SLC36A4: variants seen among roughly 807,000 people sequenced by gnomAD.
SLC36A4 encodes neutral amino acid uniporter 4.
SLC36A4 carries 49 observed loss-of-function variants against 50.5 expected under a neutral mutation model. The ratio of observed to expected loss-of-function variants is 0.97; its 90% CI spans 0.77 to 1.23. SLC36A4 has a LOEUF of 1.23. Among genes scored for constraint, SLC36A4 ranks in the 50% most tolerant of loss-of-function variants. SLC36A4 has a pLI of 0.00. For missense variants in SLC36A4, 611 were observed against 608.4 expected (o/e 1.00, Z -0.05); for synonymous variants, 207 against 206.5 (o/e 1.00, Z -0.02).
At chr11:93,175,179 A>G (rs1436020843) in intron 6 of SLC36A4, among the ~76,000 whole-genome samples, 2 of 150,340 alleles carry the variant, frequency 1.3e-5, no homozygotes, top group Non-Finnish European at 3.0e-5. Context: ...GTCTTGGGAG[A>G]GTGTATGTGT....
chr11:93,156,726 G>C (rs565395232), intron 9 of SLC36A4, among the ~76,000 whole-genome samples: 1 of 152,116 alleles, frequency 6.6e-6, no homozygotes, highest in African/African-American at 2.4e-5. Context: ...TAAATTTCTT[G>C]AAGTTCCTTT....
At chr11:93,182,183 C>T (rs977246781) in intron 4 of SLC36A4, 2 of 279,168 alleles carry the variant, frequency 7.2e-6, no homozygotes, top group Non-Finnish European at 1.1e-5. Context: ...AATACATTTT[C>T]ACATAAACTA....
rs1237061151 is a variant in SLC36A4 at position 93,148,195 on chromosome 11, A to G, written c.*342T>C. The G allele has an allele frequency of 5.2e-6, 1 of 193,078 alleles. No individual in the cohort carries two copies. The highest frequency in any genetic ancestry group is 1.0e-5 in the Non-Finnish European group (1 of 96,390). 12.0% of individuals were successfully genotyped at this position (193,078 alleles called of 1,614,324 possible). ...TGAAATCCTATTCTGTTCTCAAGTG[A>G]GTGGCAAAAGAGTAGCATAAAAGAG... On this transcript the variant is annotated 3_prime_UTR_variant, in exon 11 of 11. Coordinates refer to ENST00000326402, the MANE Select transcript of SLC36A4 (RefSeq NM_152313.4).
At chr11:93,169,262 T>C (rs1041787598) in intron 6 of SLC36A4, among the ~76,000 whole-genome samples, 3 of 152,268 alleles carry the variant, frequency 2.0e-5, no homozygotes, top group Admixed American at 6.5e-5. Context: ...TCCCAATTTA[T>C]AGTTGAGGAA....
chr11:93,180,111 A>C, intron 6 of SLC36A4: 2 of 950,510 alleles, frequency 2.1e-6, no homozygotes, highest in Non-Finnish European at 2.5e-6. Context: ...CATGTGGATA[A>C]TTAATAAATA....
intron 9 of SLC36A4, among the ~76,000 whole-genome samples, chr11:93,158,835 CCT>C (rs1212691229): frequency 6.6e-6 from 1 of 151,974 alleles, no homozygotes; most frequent in Non-Finnish European, 1.5e-5. Context: ...CCCAGTAAAC[CCT>C]CTTTCTAAAG....
chr11:93,181,429 T>C (rs1861727213), intron 5 of SLC36A4, among the ~76,000 whole-genome samples: 1 of 152,046 alleles, frequency 6.6e-6, no homozygotes, highest in South Asian at 2.1e-4. Flanking sequence ...TCATCTACCA[T>C]AATGATCCTG....
intron 1 of SLC36A4, among the ~76,000 whole-genome samples, chr11:93,188,140 G>T (rs1367437274): frequency 2.0e-5 from 3 of 152,096 alleles, no homozygotes; most frequent in Non-Finnish European, 4.4e-5. Flanking sequence ...TATACTTATA[G>T]ATAATTTGAG....
chr11:93,197,948 C>A lies in SLC36A4; in HGVS notation c.-116G>T. 9.3e-7 allele frequency: 1 copy of A among 1,073,630 alleles called. No individual in the cohort carries two copies. Among genetic ancestry groups the A allele is most frequent in the Non-Finnish European group, 1.2e-6 (1 of 803,288 alleles). 66.5% of individuals were successfully genotyped at this position (1,073,630 alleles called of 1,614,324 possible). Reference sequence around the variant, plus strand: ...CGGAGGGACCCGCGCCTGGTGCCCGCCTCCCTGCCCCGGCGCTCCCCAACC... The same window carrying A: ...CGGAGGGACCCGCGCCTGGTGCCCGACTCCCTGCCCCGGCGCTCCCCAACC... On this transcript the variant is annotated 5_prime_UTR_variant, in exon 1 of 11. Coordinates refer to ENST00000326402, the MANE Select transcript of SLC36A4 (RefSeq NM_152313.4).
intron 9 of SLC36A4, among the ~76,000 whole-genome samples, chr11:93,159,316 A>AATTT (rs1389903843): frequency 6.6e-6 from 1 of 152,188 alleles, no homozygotes; most frequent in African/African-American, 2.4e-5. Flanking sequence ...AGAATATCAA[A>AATTT]ATTTATAATG....
chr11:93,195,992 T>G (rs1862404204), intron 1 of SLC36A4, among the ~76,000 whole-genome samples: 1 of 152,222 alleles, frequency 6.6e-6, no homozygotes, highest in Non-Finnish European at 1.5e-5. Flanking sequence ...CTGCTTACTC[T>G]CTGCTTCCCA....
chr11:93,168,679 A>T (rs966631939), intron 6 of SLC36A4, among the ~76,000 whole-genome samples: 7 of 152,048 alleles, frequency 4.6e-5, no homozygotes, highest in African/African-American at 1.7e-4. Context: ...ACTCTTATAA[A>T]GCAATTATTT....
chr11:93,187,361 A>T (rs756580378), intron 1 of SLC36A4, among the ~76,000 whole-genome samples: 6 of 152,112 alleles, frequency 3.9e-5, no homozygotes, highest in Non-Finnish European at 8.8e-5. Flanking sequence ...ATGTTGATTT[A>T]GGTTTTTTCT....
chr11:93,176,327 T>G (rs1295324443), intron 6 of SLC36A4, among the ~76,000 whole-genome samples: 3 of 151,618 alleles, frequency 2.0e-5, no homozygotes, highest in African/African-American at 4.8e-5. Context: ...CCTTTTATTT[T>G]GAGCCTATGT....
At position 93,146,295 on chromosome 11, in the gene SLC36A4, C is replaced by CA. The variant is rs1423479190; in HGVS notation, c.*2241dup. On this transcript the variant is annotated 3_prime_UTR_variant, in exon 11 of 11. Coordinates refer to ENST00000326402, the MANE Select transcript of SLC36A4 (RefSeq NM_152313.4). Reference sequence around the variant, plus strand: ...AGAAATATTATCTGAAAACAGGTGACAAAAATCTAATGCTGCTTCCTATTA... The same window carrying CA: ...AGAAATATTATCTGAAAACAGGTGACAAAAAATCTAATGCTGCTTCCTATTA... The CA allele has an allele frequency of 2.0e-5, 3 of 151,840 alleles. No homozygotes were observed. The highest frequency in any genetic ancestry group is 4.4e-5 in the Non-Finnish European group (3 of 67,894). 9.4% of individuals were successfully genotyped at this position (151,840 alleles called of 1,614,324 possible). A position where few individuals can be genotyped will look rare whatever the true frequency, so the allele number is the denominator to read the frequency against.
intron 1 of SLC36A4, among the ~76,000 whole-genome samples, chr11:93,192,644 T>G (rs1862261030): frequency 6.6e-6 from 1 of 152,172 alleles, no homozygotes; most frequent in African/African-American, 2.4e-5. Flanking sequence ...CAGTAAAAAA[T>G]TAAGATATTT....
At position 93,180,933 on chromosome 11, in the gene SLC36A4, A is replaced by T. The variant is rs573714633; in HGVS notation, c.456-52T>A. 1.1e-5 allele frequency: 13 copies of T among 1,174,102 alleles called. 1 individual carries two copies. In the South Asian group the frequency reaches 1.3e-4, roughly 12 times the overall value. 72.7% of individuals were successfully genotyped at this position (1,174,102 alleles called of 1,614,324 possible). A position where few individuals can be genotyped will look rare whatever the true frequency, so the allele number is the denominator to read the frequency against. ...ATCCAGGAGAGCTACTGAAATGTCA[A>T]TATATTTTATTTCTCTTTTCAAGAG... On this transcript the variant is annotated intron_variant, in intron 5 of 10. Transcript: ENST00000326402.
At chr11:93,159,981 G>A in intron 9 of SLC36A4, 1 of 985,432 alleles carries the variant, frequency 1.0e-6, no homozygotes, top group Non-Finnish European at 1.2e-6. Flanking sequence ...TGCCAATAGA[G>A]TACACTGCAC....
intron 10 of SLC36A4, among the ~76,000 whole-genome samples, chr11:93,153,691 G>A (rs981431083): frequency 6.6e-6 from 1 of 152,020 alleles, no homozygotes; most frequent in Admixed American, 6.6e-5. Context: ...AATTATGAAA[G>A]ACCAATACAA....
Sources: allele counts gnomAD v4.1 joint callset (sites outside exome capture counted in the v4.1 genomes callset), GRCh38; gene constraint gnomAD v4.1.1; transcripts MANE v1.5; gene names NCBI Gene and HGNC (gene_info 2026-07-23, HGNC 2026-07-21).